Variants in PCDHGA5 observed in about 807,000 individuals in gnomAD.
PCDHGA5 encodes protocadherin gamma subfamily A, 5.
In PCDHGA5, 36 loss-of-function variants were observed where a neutral mutation model predicts 56.7. The ratio of observed to expected loss-of-function variants is 0.64; its 90% confidence interval spans 0.49 to 0.84. The LOEUF is 0.84. Among genes scored for constraint, PCDHGA5 ranks in the 40% least tolerant of loss-of-function variants. The pLI, the probability that PCDHGA5 is intolerant of heterozygous loss-of-function variation, is 0.00. For missense variants in PCDHGA5, 1,305 were observed against 1,201.5 expected, an observed-to-expected ratio of 1.09 and a Z score of -1.27; for synonymous variants, 563 against 520.2, an observed-to-expected ratio of 1.08 and a Z score of -1.12.
rs751034521 is a variant in PCDHGA5, at chr5:141,405,112, C to A, written c.2421+38361C>A. ...TGGCCCTCAGGCTGAGGCACTGGCA[C>A]TCCTCGCATCTGCTGCGGGCTACCA... On this transcript the variant is annotated intron_variant, in intron 1 of 3. Coordinates refer to ENST00000518069, the MANE Select transcript of PCDHGA5 (RefSeq NM_018918.3). 4.5e-5 allele frequency: 73 copies of A among 1,613,868 alleles called. 1 individual carries two copies. The Middle Eastern group carries it at 5.9e-3, about 131-fold the overall frequency.
rs747811019 is a variant in PCDHGA5 at position 141,490,069 on chromosome 5, C to T, written c.2422-4738C>T. 6 of 1,614,150 alleles carry T rather than the reference C, an allele frequency of 3.7e-6. No homozygotes were observed. Among genetic ancestry groups the T allele is most frequent in the Non-Finnish European group, 5.1e-6 (6 of 1,180,044 alleles). ...TCCAGACGAGGGCACCAACGGCCAA[C>T]TAGACTATTCTTTTGGAGACCACAC... On this transcript the variant is annotated intron_variant, in intron 1 of 3. Transcript: ENST00000518069. This position sits in a 1 kb window ranked among gnomAD's most constrained non-coding sequence, Gnocchi z 5.4.
intron 1 of PCDHGA5, chr5:141,379,054 G>A (rs969073480): frequency 6.6e-5 from 10 of 152,204 alleles, no homozygotes; most frequent in Admixed American, 5.2e-4. Context: ...TTATAGAATG[G>A]ATTGGCCACT....
chr5:141,474,900 T>C (rs577411783), intron 1 of PCDHGA5, among the ~76,000 whole-genome samples: 2 of 152,368 alleles, frequency 1.3e-5, no homozygotes, highest in South Asian at 2.1e-4. Flanking sequence ...TCATTTCTTG[T>C]TCAAGGATAT....
In PCDHGA5 at chr5:141,485,804, G is replaced by C; in HGVS notation, c.2422-9003G>C. 6.2e-7 allele frequency: 1 copy of C among 1,614,218 alleles called. No homozygotes were observed. The highest frequency in any genetic ancestry group is 1.3e-5 in the African/African-American group (1 of 75,060). The stretch of plus-strand genomic sequence containing the variant: ...AGAGAAGCAATCGGACTACCGCCTG[G>C]TGCTGACTGCTGTCGATGGAGGGAA... On this transcript the variant is annotated intron_variant, in intron 1 of 3. Coordinates refer to ENST00000518069, the MANE Select transcript of PCDHGA5 (RefSeq NM_018918.3). This position sits in a 1 kb window ranked among gnomAD's most constrained non-coding sequence, Gnocchi z 5.7.
chr5:141,455,860 A>ATTATTTATTTAT (rs145569377), intron 1 of PCDHGA5, among the ~76,000 whole-genome samples: 9 of 139,836 alleles, frequency 6.4e-5, no homozygotes, highest in African/African-American at 7.9e-5. Context: ...AATTTCTTTT[A>ATTATTTATTTAT]TTATTTATTT....
At chr5:141,434,136 TC>T (rs2097674430) in intron 1 of PCDHGA5, among the ~76,000 whole-genome samples, 1 of 152,246 alleles carries the variant, frequency 6.6e-6, no homozygotes, top group Non-Finnish European at 1.5e-5. Context: ...TAGGCTGATT[TC>T]TATGTCCTTT....
chr5:141,368,928 C>T (rs190760255), intron 1 of PCDHGA5, among the ~76,000 whole-genome samples: 45 of 152,290 alleles, frequency 3.0e-4, no homozygotes, highest in Middle Eastern at 3.4e-3. Flanking sequence ...GAGTGTCTGT[C>T]TAGAATTCTG....
intron 1 of PCDHGA5, among the ~76,000 whole-genome samples, chr5:141,446,571 G>C (rs1460375061): frequency 2.0e-5 from 3 of 152,058 alleles, no homozygotes; most frequent in African/African-American, 7.2e-5. Flanking sequence ...CTGCCTCCCA[G>C]GTTCAAGTGA....
At chr5:141,470,780 T>G (rs1436746772) in intron 1 of PCDHGA5, among the ~76,000 whole-genome samples, 1 of 152,194 alleles carries the variant, frequency 6.6e-6, no homozygotes, top group Non-Finnish European at 1.5e-5. Flanking sequence ...CTTGAATTCC[T>G]GGGCTCAAGC....
At chr5:141,394,100 ACCACCTCTGT>A in intron 1 of PCDHGA5, 1 of 1,613,942 alleles carries the variant, frequency 6.2e-7, no homozygotes, top group Admixed American at 1.7e-5. Context: ...ATCTAGGAAC[ACCACCTCTGT>A]CCACTGAAAC....
intron 1 of PCDHGA5, chr5:141,394,389 C>T (rs750588570): frequency 2.6e-5 from 42 of 1,614,118 alleles, no homozygotes; most frequent in Non-Finnish European, 3.5e-5. Flanking sequence ...TGAGCAGATC[C>T]GAGACCTGCA....
At chr5:141,398,742 G>GAGT (rs2093697710) in intron 1 of PCDHGA5, 1 of 1,613,726 alleles carries the variant, frequency 6.2e-7, no homozygotes, top group Non-Finnish European at 8.5e-7. Flanking sequence ...GGGAACAACA[G>GAGT]AGTTACCATC....
At chr5:141,478,044 C>G in intron 1 of PCDHGA5, 1 of 1,614,184 alleles carries the variant, frequency 6.2e-7, no homozygotes. Flanking sequence ...CCCAGGCAGA[C>G]TCTCACGGTC....
rs753258464 is a variant in PCDHGA5, at chr5:141,388,966, G to T, written c.2421+22215G>T. ...CTAATTATGGAGGACGCCGAGCTGG[G>T]AACACATATTGCTTTGCTCAAAGTC... On this transcript the variant is annotated intron_variant, in intron 1 of 3. Coordinates refer to ENST00000518069, the MANE Select transcript of PCDHGA5 (RefSeq NM_018918.3). 15 of 1,613,896 alleles carry T rather than the reference G, an allele frequency of 9.3e-6. No homozygotes were observed. In the Admixed American group the frequency reaches 2.3e-4, roughly 25 times the overall value.
chr5:141,388,225 T>C, intron 1 of PCDHGA5: 1 of 1,604,858 alleles, frequency 6.2e-7, no homozygotes, highest in Non-Finnish European at 8.5e-7. Flanking sequence ...GAAAATCCAC[T>C]GAACTTTTAT....
intron 1 of PCDHGA5, chr5:141,393,417 A>G (rs2092754726): frequency 6.2e-6 from 10 of 1,614,032 alleles, no homozygotes; most frequent in Non-Finnish European, 8.5e-6. Flanking sequence ...CGCCCTGGAC[A>G]GGGAGGAAGA....
chr5:141,375,843 T>C (rs762152746), intron 1 of PCDHGA5: 1 of 1,614,046 alleles, frequency 6.2e-7, no homozygotes, highest in Admixed American at 1.7e-5. Context: ...CCCGGCTACC[T>C]GGTGACCAAG....
intron 1 of PCDHGA5, chr5:141,478,814 C>T (rs1271237848): frequency 6.9e-7 from 1 of 1,451,050 alleles, no homozygotes; most frequent in East Asian, 2.5e-5. Context: ...GCTATCACAA[C>T]TAACCAATCT....
At chr5:141,412,934 G>A (rs1232539262) in intron 1 of PCDHGA5, 1 of 453,932 alleles carries the variant, frequency 2.2e-6, no homozygotes, top group African/African-American at 2.0e-5. Context: ...TAACTTCTTA[G>A]GACTCTGAGC....
Sources: gnomAD v4.1 joint callset for allele counts (sites outside exome capture counted in the v4.1 genomes callset) on GRCh38, gnomAD v4.1.1 for gene constraint, Gnocchi (gnomAD v3.1) non-coding constraint, MANE v1.5 for transcripts, NCBI Gene and HGNC (gene_info 2026-07-23, HGNC 2026-07-21) for gene names.